The following LRIG2 variants were observed in gnomAD, a reference collection of about 807,000 sequenced individuals.
LRIG2 encodes the protein leucine-rich repeats and immunoglobulin-like domains protein 2.
A neutral mutation model predicts 107.8 loss-of-function variants in LRIG2; 93 were observed. The observed-to-expected ratio is 0.86, with a 90% confidence interval of 0.73 to 1.03. The LOEUF (loss-of-function observed/expected upper bound fraction) is 1.03, where lower values mean the gene tolerates loss of function less well. Among genes scored for constraint, LRIG2 ranks in the 50% least tolerant of loss-of-function variants. The pLI is 0.00. For missense variants in LRIG2, 1,226 were observed against 1,296.0 expected, an observed-to-expected ratio of 0.95 and a Z score of 0.83; for synonymous variants, 471 against 470.6, an observed-to-expected ratio of 1.00 and a Z score of -0.01.
chr1:113,088,994 G>T (rs749485618), intron 1 of LRIG2, among the ~76,000 whole-genome samples: 10 of 152,174 alleles, frequency 6.6e-5, no homozygotes, highest in Non-Finnish European at 1.2e-4. Flanking sequence ...GAATATTTTA[G>T]AACTGTTGTG....
At chr1:113,120,564 G>T (rs552544413) in intron 17 of LRIG2, among the ~76,000 whole-genome samples, 1 of 147,998 alleles carries the variant, frequency 6.8e-6, no homozygotes, top group Non-Finnish European at 1.5e-5. Flanking sequence ...AAGCTGGAGT[G>T]CAATGATGCC....
In LRIG2 at chr1:113,107,764, A is replaced by ATT; in HGVS notation, c.1477+11_1477+12dup. 1 of 1,609,930 alleles carries ATT rather than the reference A, an allele frequency of 6.2e-7. No homozygotes were observed. The highest frequency in any genetic ancestry group is 8.5e-7 in the Non-Finnish European group (1 of 1,178,670). On this transcript the variant is annotated splice_region_variant and intron_variant, in intron 12 of 17. Coordinates refer to ENST00000361127, the MANE Select transcript of LRIG2 (RefSeq NM_014813.3). ...CTGAAAGATTTTGTCTGTGGTTTGTATTTTTGTTTTAAAATTTTATATATT... is the reference window on the plus strand; with the variant it reads ...CTGAAAGATTTTGTCTGTGGTTTGTATTTTTTTGTTTTAAAATTTTATATATT...
At chr1:113,120,381 GAGGTTGC>G (rs1333630678) in intron 17 of LRIG2, among the ~76,000 whole-genome samples, 5 of 152,064 alleles carry the variant, frequency 3.3e-5, no homozygotes, top group African/African-American at 1.2e-4. Flanking sequence ...GCTCGAGATG[GAGGTTGC>G]AGTGAGCTGA....
chr1:113,074,315 A>C (rs1334864872), intron 1 of LRIG2, among the ~76,000 whole-genome samples: 2 of 152,178 alleles, frequency 1.3e-5, no homozygotes, highest in Non-Finnish European at 2.9e-5. Context: ...TTTTCAGCGC[A>C]TCTTCTTGTG....
chr1:113,083,199 C>T (rs1268572139), intron 1 of LRIG2, among the ~76,000 whole-genome samples: 2 of 149,934 alleles, frequency 1.3e-5, no homozygotes, highest in Non-Finnish European at 3.0e-5. Context: ...TATGAGGCAC[C>T]ATGCTTGGCT....
Position 113,110,233 on chromosome 1 carries a change from TC to T in LRIG2, c.1478-5del. On this transcript the variant is annotated splice_polypyrimidine_tract_variant and splice_region_variant and intron_variant, in intron 12 of 17. Transcript: ENST00000361127. ...TGACTTGGCTACGGATGCATTTTTT[TC>T]CCCTTAGATGATTTTCTCAAGCCAC... 2 of 1,555,454 alleles carry T rather than the reference TC, an allele frequency of 1.3e-6. No individual in the cohort carries two copies. The highest frequency in any genetic ancestry group is 1.7e-6 in the Non-Finnish European group (2 of 1,149,522).
intron 11 of LRIG2, 147 bp downstream of exon 11, chr1:113,100,635 C>A: frequency 1.9e-6 from 1 of 517,004 alleles, no homozygotes; most frequent in Non-Finnish European, 3.6e-6. Flanking sequence ...GTTATTTAAG[C>A]GGCTAGAGGT....
chr1:113,110,290 C>G lies in LRIG2; in HGVS notation c.1526C>G (p.Ala509Gly), dbSNP rs569703235. The change falls in exon 13 of 18, where the codon GCT becomes GGT. Residue 509 changes from alanine to glycine, a missense_variant. Transcript: ENST00000361127. Reference sequence around the variant, plus strand: ...AGGACACATCCTGAAACCATAATTGCTCTAAGAGGCATGAATGTGACTCTG... The same window carrying G: ...AGGACACATCCTGAAACCATAATTGGTCTAAGAGGCATGAATGTGACTCTG... Reference protein sequence around the residue: ...QIRTHPETIIALRGMNVTLTC... With the variant: ...QIRTHPETIIGLRGMNVTLTC... 6 of 1,613,848 alleles carry G rather than the reference C, an allele frequency of 3.7e-6. No homozygotes were observed. The East Asian group carries it at 1.1e-4, about 30-fold the overall frequency.
intron 9 of LRIG2, among the ~76,000 whole-genome samples, 171 bp from the exon 10 acceptor site, chr1:113,100,040 T>G (rs1430885873): frequency 1.3e-5 from 2 of 152,218 alleles, no homozygotes; most frequent in African/African-American, 2.4e-5. Context: ...TCTCATCAAA[T>G]TGTACACATT....
chr1:113,121,583 A>C (rs1269276616), intron 17 of LRIG2, among the ~76,000 whole-genome samples: 4 of 151,964 alleles, frequency 2.6e-5, no homozygotes, highest in African/African-American at 9.7e-5. Flanking sequence ...CTCTTCTAAA[A>C]AAATTAAAAA....
chr1:113,123,515 G>C (rs1220422692), intron 17 of LRIG2, among the ~76,000 whole-genome samples: 1 of 152,114 alleles, frequency 6.6e-6, no homozygotes, highest in Non-Finnish European at 1.5e-5. Flanking sequence ...CGGAGGTTGC[G>C]GTGAGCCGAG....
At chr1:113,087,650 C>T (rs960830583) in intron 1 of LRIG2, among the ~76,000 whole-genome samples, 5 of 152,026 alleles carry the variant, frequency 3.3e-5, no homozygotes, top group Admixed American at 2.6e-4. Flanking sequence ...CGCCTGGCCC[C>T]GAAGTCTTCA....
intron 1 of LRIG2, 46 bp downstream of exon 1, chr1:113,073,691 T>G: frequency 6.5e-7 from 1 of 1,549,314 alleles, no homozygotes; most frequent in Non-Finnish European, 8.8e-7. Flanking sequence ...GGGGGAGCCT[T>G]CCCTCTACAG....
chr1:113,074,942 G>C (rs1210684096), intron 1 of LRIG2, among the ~76,000 whole-genome samples: 1 of 151,126 alleles, frequency 6.6e-6, no homozygotes, highest in Non-Finnish European at 1.5e-5. Flanking sequence ...GAGGGGCCGG[G>C]TGCGGTGGCT....
rs1654817131 is a variant in LRIG2 at position 113,112,610 on chromosome 1, C to T, written c.1930C>T (p.Pro644Ser). 6.2e-7 allele frequency: 1 copy of T among 1,614,090 alleles called. No homozygotes were observed. The highest frequency in any genetic ancestry group is 8.5e-7 in the Non-Finnish European group (1 of 1,180,048). The part of the protein sequence containing the change: ...SWQKDGGTDF[P>S]AARERRMHVM... Reference sequence around the variant, plus strand: ...GCAGAAAGATGGTGGTACTGACTTTCCTGCGGCTCGAGAAAGACGCATGCA... The same window carrying T: ...GCAGAAAGATGGTGGTACTGACTTTTCTGCGGCTCGAGAAAGACGCATGCA... Residue 644 changes from proline to serine, a missense_variant, in exon 14 of 18, where the codon CCT (proline) becomes TCT (serine). Pro to Ser is a moderately conservative substitution (Grantham distance 74). Coordinates refer to ENST00000361127, the MANE Select transcript of LRIG2 (RefSeq NM_014813.3).
intron 2 of LRIG2, 129 bp from the exon 3 acceptor site, chr1:113,093,077 C>A: frequency 1.7e-6 from 1 of 603,818 alleles, no homozygotes; most frequent in Admixed American, 3.6e-5. Flanking sequence ...TTTCGTCTAA[C>A]TCATTCTGAG....
In LRIG2 at chr1:113,089,698, T is replaced by TTG. The variant is rs1351949299; in HGVS notation, c.240-1620_240-1619insTG. ...TTGCTTTTTTTTTTTTTTTTTTTTT[T>TTG]GGAGACAGAGTCTTGCTTTGTCACC... is the stretch of plus-strand genomic sequence containing the variant. On this transcript the variant is annotated intron_variant, in intron 1 of 17. Coordinates refer to ENST00000361127, the MANE Select transcript of LRIG2 (RefSeq NM_014813.3). Among the ~76,000 whole-genome samples, 270 of 144,564 alleles carry TTG rather than the reference T, an allele frequency of 1.9e-3. 1 individual carries two copies. The highest frequency in any genetic ancestry group is 6.8e-3 in the African/African-American group (255 of 37,440). The allele number at this position is 144,564 out of a possible 152,430, so 94.8% of individuals were successfully genotyped here.
In LRIG2 at chr1:113,100,445, T is replaced by G; in HGVS notation, c.1270T>G (p.Ser424Ala). The change falls in exon 11 of 18, where the codon TCT becomes GCT. Residue 424 changes from serine to alanine, a missense_variant. Transcript: ENST00000361127. Reference protein sequence around the residue: ...HLDLNNNAIMSIQENAFSQTH... With the variant: ...HLDLNNNAIMAIQENAFSQTH... ...AGATTTGAACAATAATGCTATAATG[T>G]CTATCCAAGAAAATGCTTTTTCTCA... 6.5e-7 allele frequency: 1 copy of G among 1,541,776 alleles called. No individual in the cohort carries two copies. The highest frequency in any genetic ancestry group is 8.9e-7 in the Non-Finnish European group (1 of 1,118,834).
rs1655393803 is a variant in LRIG2, at chr1:113,124,234, G to A, written c.*133G>A. 8 of 756,488 alleles carry A rather than the reference G, an allele frequency of 1.1e-5. No homozygotes were observed. In the Admixed American group the frequency reaches 1.2e-4, roughly 12 times the overall value. 46.9% of individuals were successfully genotyped at this position (756,488 alleles called of 1,614,324 possible). A position where few individuals can be genotyped will look rare whatever the true frequency, so the allele number is the denominator to read the frequency against. On this transcript the variant is annotated 3_prime_UTR_variant, in exon 18 of 18. Coordinates refer to ENST00000361127, the MANE Select transcript of LRIG2 (RefSeq NM_014813.3). ...TTATGATTGCATCTGACCGCACCAAGGTGGGCCATGCGTTGTTTGGTCTTA... is the reference window on the plus strand; with the variant it reads ...TTATGATTGCATCTGACCGCACCAAAGTGGGCCATGCGTTGTTTGGTCTTA...
Sources: gnomAD v4.1 joint callset for allele counts (sites outside exome capture counted in the v4.1 genomes callset) on GRCh38, gnomAD v4.1.1 for gene constraint, MANE v1.5 for transcripts, NCBI Gene and HGNC (gene_info 2026-07-23, HGNC 2026-07-21) for gene names.